RBFOX3: variants seen among roughly 807,000 people sequenced by gnomAD.
The protein encoded by RBFOX3 is RNA binding fox-1 homolog 3, also known as RNA binding protein fox-1 homolog 3.
In RBFOX3, 17 loss-of-function variants were observed where a neutral mutation model predicts 48.7. That is an observed-to-expected ratio of 0.35 (90% confidence interval 0.24 to 0.52). The LOEUF is 0.52. RBFOX3 is among the 20% of genes least tolerant of loss of function. RBFOX3 has a pLI of 0.94. For synonymous variants in RBFOX3, 212 were observed against 209.5 expected (o/e 1.01, Z -0.10); for missense variants, 382 against 497.5 (o/e 0.77, Z 2.21).
At chr17:79,182,324 C>T (rs1285778604) in intron 4 of RBFOX3, among the ~76,000 whole-genome samples, 2 of 152,160 alleles carry the variant, frequency 1.3e-5, no homozygotes, top group Admixed American at 6.5e-5. Context: ...GACGCCACAG[C>T]GCCAGGAGGA....
chr17:79,540,547 G>A (rs533152029), intron 1 of RBFOX3, among the ~76,000 whole-genome samples: 1 of 152,332 alleles, frequency 6.6e-6, no homozygotes, highest in East Asian at 1.9e-4. Context: ...ACTGCCAGGT[G>A]CTCCTGCTGT....
In RBFOX3 at chr17:79,252,258, C is replaced by T. The variant is rs1412992766; in HGVS notation, c.-73-16453G>A. 6.7e-6 allele frequency among the ~76,000 whole-genome samples: 1 copy of T among 148,254 alleles called. No homozygotes were observed. Among genetic ancestry groups the T allele is most frequent in the Non-Finnish European group, 1.5e-5 (1 of 66,556 alleles). On this transcript the variant is annotated intron_variant, in intron 3 of 14. Coordinates refer to ENST00000693108, the MANE Select transcript of RBFOX3 (RefSeq NM_001350451.2). The surrounding 1 kb of genome is among the most constrained non-coding windows in gnomAD (Gnocchi z 4.0). The stretch of plus-strand genomic sequence containing the variant: ...ACCCGCACCCTGATGCCAGCAATGC[C>T]CACTCTAGCCGAGTTCCCTGTGGGT...
intron 12 of RBFOX3, among the ~76,000 whole-genome samples, chr17:79,095,912 G>A (rs1331034495): frequency 6.6e-6 from 1 of 152,236 alleles, no homozygotes; most frequent in African/African-American, 2.4e-5. Context: ...ATCTGGCTGG[G>A]TGCTAGGCCT....
At chr17:79,359,746 G>C (rs79555207) in intron 2 of RBFOX3, among the ~76,000 whole-genome samples, 1 of 129,110 alleles carries the variant, frequency 7.7e-6, no homozygotes. Flanking sequence ...TTTTTTTTTT[G>C]AGATAGGGTC....
intron 3 of RBFOX3, among the ~76,000 whole-genome samples, chr17:79,293,611 C>T (rs1394059581): frequency 1.3e-5 from 2 of 151,994 alleles, no homozygotes; most frequent in East Asian, 3.9e-4. Flanking sequence ...CACCACCATG[C>T]CTGGCTAATT....
At chr17:79,293,687 A>C (rs2073844595) in intron 3 of RBFOX3, among the ~76,000 whole-genome samples, 1 of 152,074 alleles carries the variant, frequency 6.6e-6, no homozygotes, top group South Asian at 2.1e-4. Flanking sequence ...TCCTGGCCTC[A>C]GGTGATCTGC....
intron 4 of RBFOX3, among the ~76,000 whole-genome samples, chr17:79,150,426 C>G (rs537114898): frequency 6.6e-6 from 1 of 152,128 alleles, no homozygotes; most frequent in Non-Finnish European, 1.5e-5. Context: ...TCCGCAACCC[C>G]CATACCCTGT....
At chr17:79,259,890 G>T (rs535245090) in intron 3 of RBFOX3, among the ~76,000 whole-genome samples, 41 of 152,202 alleles carry the variant, frequency 2.7e-4, no homozygotes, top group African/African-American at 9.9e-4. Flanking sequence ...TCCCTCTTTT[G>T]CAGATGAGGA....
chr17:79,318,937 T>C (rs1039327422), intron 2 of RBFOX3, among the ~76,000 whole-genome samples: 4 of 149,700 alleles, frequency 2.7e-5, no homozygotes, highest in Admixed American at 6.7e-5. Flanking sequence ...GATGAGTTAC[T>C]GGGTGCAGCA....
In RBFOX3 at chr17:79,204,463, T is replaced by C. The variant is rs375889591; in HGVS notation, c.-34+31303A>G. ...GGAAAGGACACGCGTACCAGTCCAG[T>C]GAACAGCTCCTTGAAGCGCACACAT... On this transcript the variant is annotated intron_variant, in intron 4 of 14. Coordinates refer to ENST00000693108, the MANE Select transcript of RBFOX3 (RefSeq NM_001350451.2). The surrounding 1 kb of genome is among the most constrained non-coding windows in gnomAD (Gnocchi z 4.5). Among the ~76,000 whole-genome samples the C allele has an allele frequency of 1.3e-5, 2 of 152,150 alleles. No individual in the cohort carries two copies. Among genetic ancestry groups the C allele is most frequent in the East Asian group, 3.9e-4 (2 of 5,188 alleles).
At chr17:79,366,513 A>G (rs2057770628) in intron 2 of RBFOX3, among the ~76,000 whole-genome samples, 1 of 152,248 alleles carries the variant, frequency 6.6e-6, no homozygotes, top group Non-Finnish European at 1.5e-5. Flanking sequence ...CAGTGTCCCC[A>G]GAGCCTGAGA....
chr17:79,378,222 C>T (rs1042418463), intron 2 of RBFOX3, among the ~76,000 whole-genome samples: 1 of 151,978 alleles, frequency 6.6e-6, no homozygotes, highest in South Asian at 2.1e-4. Flanking sequence ...CCCTCATCAC[C>T]ACTCTGGACA....
At chr17:79,218,478 C>T (rs964886257) in intron 4 of RBFOX3, among the ~76,000 whole-genome samples, 2 of 152,142 alleles carry the variant, frequency 1.3e-5, no homozygotes, top group Non-Finnish European at 1.5e-5. Context: ...AGCACTGGCC[C>T]GGCCCCCAGG....
At chr17:79,141,318 C>T (rs193114415) in intron 4 of RBFOX3, among the ~76,000 whole-genome samples, 1 of 152,150 alleles carries the variant, frequency 6.6e-6, no homozygotes, top group Non-Finnish European at 1.5e-5. Context: ...CTGTTGGGGG[C>T]CAGCCAGGAG....
the RBFOX3 span, among the ~76,000 whole-genome samples, chr17:79,617,692 C>T: frequency 9.2e-5 from 14 of 152,250 alleles, no homozygotes; most frequent in Admixed American, 2.0e-4. Flanking sequence ...ATTTTTCTCC[C>T]CAATGAGCTC....
At chr17:79,437,320 G>A (rs938395709) in intron 2 of RBFOX3, among the ~76,000 whole-genome samples, 3 of 152,214 alleles carry the variant, frequency 2.0e-5, no homozygotes, top group Non-Finnish European at 4.4e-5. Context: ...TCCAGCCGGG[G>A]AGGCCGGGTC....
At chr17:79,584,557 T>C (rs1258712781) in intron 1 of RBFOX3, among the ~76,000 whole-genome samples, 1 of 151,934 alleles carries the variant, frequency 6.6e-6, no homozygotes, top group Non-Finnish European at 1.5e-5. Flanking sequence ...TGTATGTGTG[T>C]GTGTGTGTGT....
intron 2 of RBFOX3, among the ~76,000 whole-genome samples, chr17:79,396,948 G>A (rs573387100): frequency 2.6e-5 from 4 of 152,348 alleles, no homozygotes; most frequent in South Asian, 2.1e-4. Context: ...CAAGGAGAAC[G>A]AACCCCTGTC....
rs574654454 is a variant in RBFOX3, at chr17:79,151,044, T to G, written c.-33-35296A>C. 1.2e-4 allele frequency among the ~76,000 whole-genome samples: 19 copies of G among 152,320 alleles called. No homozygotes were observed. In the East Asian group the frequency reaches 2.7e-3, roughly 22 times the overall value. The stretch of plus-strand genomic sequence containing the variant: ...ACCTCCCCAGTCCACGCTCCGCAAG[T>G]GCTCAGCACACACACATCCCTCCAC... On this transcript the variant is annotated intron_variant, in intron 4 of 14. Coordinates refer to ENST00000693108, the MANE Select transcript of RBFOX3 (RefSeq NM_001350451.2).
Sources: allele counts gnomAD v4.1 joint callset (sites outside exome capture counted in the v4.1 genomes callset), GRCh38; gene constraint gnomAD v4.1.1; non-coding constraint Gnocchi (gnomAD v3.1); transcripts MANE v1.5; gene names NCBI Gene and HGNC (gene_info 2026-07-23, HGNC 2026-07-21).